Variants in PIK3C2G observed in about 807,000 individuals in gnomAD.
The protein encoded by PIK3C2G is phosphatidylinositol-4-phosphate 3-kinase catalytic subunit type 2 gamma.
PIK3C2G carries 168 observed loss-of-function variants against 181.1 expected under a neutral mutation model. The observed-to-expected ratio is 0.93, with a 90% confidence interval of 0.82 to 1.05. PIK3C2G has a LOEUF of 1.05. PIK3C2G is among the 50% of genes least tolerant of loss of function. The pLI, the probability that PIK3C2G is intolerant of heterozygous loss-of-function variation, is 0.00. For synonymous variants in PIK3C2G, 573 were observed against 592.2 expected (o/e 0.97, Z 0.47); for missense variants, 1,869 against 1,732.8 (o/e 1.08, Z -1.40).
At chr12:18,634,939 A>G (rs1313030416) in intron 31 of PIK3C2G, among the ~76,000 whole-genome samples, 1 of 152,042 alleles carries the variant, frequency 6.6e-6, no homozygotes, top group Non-Finnish European at 1.5e-5. Context: ...CAGTTTTCCA[A>G]TCACATTCTT....
chr12:18,702,192 T>C, the PIK3C2G span, among the ~76,000 whole-genome samples: 1 of 152,086 alleles, frequency 6.6e-6, no homozygotes, highest in African/African-American at 2.4e-5. Context: ...AAATCAGGTA[T>C]ATTAAAATGT....
chr12:18,438,767 A>C (rs1360540185), intron 18 of PIK3C2G, among the ~76,000 whole-genome samples: 3 of 151,912 alleles, frequency 2.0e-5, no homozygotes. Flanking sequence ...TTGAAGAAAA[A>C]TTTCAACTCA....
chr12:18,584,209 A>G (rs928990879), intron 29 of PIK3C2G, among the ~76,000 whole-genome samples: 2 of 148,810 alleles, frequency 1.3e-5, no homozygotes, highest in East Asian at 2.0e-4. Context: ...TTTTTTTTGT[A>G]TTTTTGGTAG....
At chr12:18,300,122 A>G (rs554297070) in intron 5 of PIK3C2G, among the ~76,000 whole-genome samples, 9 of 152,014 alleles carry the variant, frequency 5.9e-5, no homozygotes, top group African/African-American at 1.7e-4. Flanking sequence ...GTTCTTCTTT[A>G]TAAGTTTGGT....
chr12:18,377,650 T>G (rs1942546780), intron 13 of PIK3C2G, among the ~76,000 whole-genome samples: 1 of 152,188 alleles, frequency 6.6e-6, no homozygotes, highest in South Asian at 2.1e-4. Context: ...AGGCTCCAGA[T>G]GTCCTGACAT....
chr12:18,457,013 C>CA (rs201603196), intron 18 of PIK3C2G, among the ~76,000 whole-genome samples: 206 of 151,210 alleles, frequency 1.4e-3, no homozygotes, highest in African/African-American at 4.3e-3. Flanking sequence ...TTGAAACCAT[C>CA]AAAAAAAATG....
At chr12:18,411,540 G>T (rs900000365) in intron 16 of PIK3C2G, among the ~76,000 whole-genome samples, 11 of 152,110 alleles carry the variant, frequency 7.2e-5, no homozygotes, top group African/African-American at 2.7e-4. Flanking sequence ...TGTCACATCT[G>T]ATCATTTTTA....
rs1298111483 is a variant in PIK3C2G at position 18,338,472 on chromosome 12, T to C, written c.1319T>C (p.Val440Ala). The C allele has an allele frequency of 1.3e-6, 2 of 1,582,712 alleles. No individual in the cohort carries two copies. Among genetic ancestry groups the C allele is most frequent in the South Asian group, 1.1e-5 (1 of 90,334 alleles). Residue 440 changes from valine (V) to alanine (A), a missense_variant, in exon 9 of 33, where the codon GTT becomes GCT. Coordinates refer to ENST00000538779, the MANE Select transcript of PIK3C2G (RefSeq NM_001288772.2). ...GAAGAAGTTAAAAAAATATGCAGTG[T>C]TCTAGGGTGTGTGGAAACCAAACAA... ...IIEEVKKICS[V>A]LGCVETKQIT...
intron 24 of PIK3C2G, among the ~76,000 whole-genome samples, chr12:18,526,188 CCAAT>C (rs1943223347): frequency 6.6e-6 from 1 of 152,050 alleles, no homozygotes; most frequent in Non-Finnish European, 1.5e-5. Flanking sequence ...GTGTCTTACT[CCAAT>C]CATTCTCCTT....
chr12:18,305,624 GATTA>G (rs1950386861), intron 5 of PIK3C2G, among the ~76,000 whole-genome samples: 1 of 129,478 alleles, frequency 7.7e-6, no homozygotes, highest in Non-Finnish European at 1.8e-5. Flanking sequence ...TAAATAAAGT[GATTA>G]GTTAGAGAAT....
chr12:18,696,497 A>G, the PIK3C2G span, among the ~76,000 whole-genome samples: 1 of 151,094 alleles, frequency 6.6e-6, no homozygotes, highest in South Asian at 2.1e-4. Context: ...TTTTATCATA[A>G]AATGTATGTA....
chr12:18,344,127 G>T (rs1449017984), intron 10 of PIK3C2G, among the ~76,000 whole-genome samples: 1 of 152,076 alleles, frequency 6.6e-6, no homozygotes, highest in Non-Finnish European at 1.5e-5. Context: ...ATCGTTCTTG[G>T]TTGTAGATGG....
chr12:18,290,850 TTCAGAA>T lies in PIK3C2G; in HGVS notation c.763_768del (p.Ile255_Arg256del). On this transcript the variant is annotated splice_acceptor_variant and splice_polypyrimidine_tract_variant and coding_sequence_variant and intron_variant, in exon 4 of 33. Coordinates refer to ENST00000538779, the MANE Select transcript of PIK3C2G (RefSeq NM_001288772.2). LOFTEE classifies it high-confidence loss of function. ...TAAGTATTTTTCTTAACATATGTTT[TTCAGAA>T]TCAGAGAAAGATATCATGCAGCTGA... 2 of 1,583,516 alleles carry T rather than the reference TTCAGAA, an allele frequency of 1.3e-6. No homozygotes were observed. Among genetic ancestry groups the T allele is most frequent in the South Asian group, 2.2e-5 (2 of 89,600 alleles).
At chr12:18,682,877 A>G in the PIK3C2G span, among the ~76,000 whole-genome samples, 1 of 152,018 alleles carries the variant, frequency 6.6e-6, no homozygotes, top group African/African-American at 2.4e-5. Context: ...ACACTCTTAG[A>G]TTTCACATTT....
the PIK3C2G span, among the ~76,000 whole-genome samples, chr12:18,717,780 G>T: frequency 6.6e-6 from 1 of 152,046 alleles, no homozygotes. Context: ...AGTCATGTTG[G>T]CTATACCTCC....
intron 26 of PIK3C2G, 33 bp downstream of exon 26, chr12:18,546,465 G>T: frequency 8.9e-7 from 1 of 1,127,770 alleles, no homozygotes. Context: ...GAGCATGCAT[G>T]CATGAATGTA....
At chr12:18,415,744 G>A (rs1405777730) in intron 16 of PIK3C2G, among the ~76,000 whole-genome samples, 4 of 152,228 alleles carry the variant, frequency 2.6e-5, no homozygotes, top group African/African-American at 9.6e-5. Context: ...TTCCAGTGAA[G>A]ACAGACTGAT....
chr12:18,664,875 G>A, the PIK3C2G span, among the ~76,000 whole-genome samples: 1 of 151,250 alleles, frequency 6.6e-6, no homozygotes, highest in Non-Finnish European at 1.5e-5. Flanking sequence ...GATGAAATTG[G>A]AAATCATCAT....
intron 5 of PIK3C2G, among the ~76,000 whole-genome samples, chr12:18,304,348 CTGGATT>C: frequency 2.0e-5 from 3 of 152,114 alleles, no homozygotes; most frequent in Admixed American, 2.0e-4. Flanking sequence ...CCTCTGCCTC[CTGGATT>C]CAAGCAATTC....
Sources: allele counts gnomAD v4.1 joint callset (sites outside exome capture counted in the v4.1 genomes callset), GRCh38; gene constraint gnomAD v4.1.1; transcripts MANE v1.5; gene names NCBI Gene and HGNC (gene_info 2026-07-23, HGNC 2026-07-21).